Variants in PTPRZ1 observed in about 807,000 individuals in gnomAD.
PTPRZ1 encodes protein tyrosine phosphatase receptor type Z1, also known as receptor-type tyrosine-protein phosphatase zeta.
A neutral mutation model predicts 214.1 loss-of-function variants in PTPRZ1; 82 were observed. The ratio of observed to expected loss-of-function variants is 0.38; its 90% CI spans 0.32 to 0.46. The LOEUF is 0.46. Among genes scored for constraint, PTPRZ1 ranks in the 20% least tolerant of loss-of-function variants. The probability of loss-of-function intolerance (pLI) is 1.00; values close to 1 mark genes in which losing one functional copy is unlikely to be tolerated. For synonymous variants in PTPRZ1, 945 were observed against 987.9 expected, an observed-to-expected ratio of 0.96 and a Z score of 0.81; for missense variants, 2,603 against 2,748.7, an observed-to-expected ratio of 0.95 and a Z score of 1.19.
At chr7:122,044,931 G>A (rs776820551) in intron 23 of PTPRZ1, among the ~76,000 whole-genome samples, 43 of 151,272 alleles carry the variant, frequency 2.8e-4, no homozygotes, top group Non-Finnish European at 5.0e-4. Context: ...ACATGAGTGC[G>A]GTGGCTCAGG....
At chr7:121,886,958 T>G (rs1313268458) in intron 1 of PTPRZ1, among the ~76,000 whole-genome samples, 2 of 152,164 alleles carry the variant, frequency 1.3e-5, no homozygotes. Flanking sequence ...CTGTCCAGCT[T>G]TACTTGAATC....
chr7:121,974,832 G>A (rs1295667670), intron 4 of PTPRZ1, among the ~76,000 whole-genome samples: 1 of 152,062 alleles, frequency 6.6e-6, no homozygotes, highest in Non-Finnish European at 1.5e-5. Context: ...GTGTAAGCAG[G>A]AAACCCAAGG....
intron 2 of PTPRZ1, among the ~76,000 whole-genome samples, chr7:121,951,250 T>C (rs1383516884): frequency 1.3e-5 from 2 of 152,226 alleles, no homozygotes; most frequent in African/African-American, 4.8e-5. Flanking sequence ...CAAAGGATAC[T>C]GCTGTCTTCT....
intron 2 of PTPRZ1, among the ~76,000 whole-genome samples, chr7:121,957,392 G>A (rs1004095712): frequency 3.3e-5 from 5 of 152,126 alleles, no homozygotes; most frequent in African/African-American, 4.8e-5. Context: ...AGCGTTGCAC[G>A]AGCTTTGGTC....
chr7:122,020,730 C>T (rs1194999935), intron 13 of PTPRZ1, among the ~76,000 whole-genome samples: 3 of 152,080 alleles, frequency 2.0e-5, no homozygotes, highest in African/African-American at 7.2e-5. Context: ...GCTTTTGTTA[C>T]CCCACATGGG....
chr7:121,972,994 T>C (rs1216624243), intron 4 of PTPRZ1, among the ~76,000 whole-genome samples: 1 of 152,126 alleles, frequency 6.6e-6, no homozygotes, highest in Non-Finnish European at 1.5e-5. Flanking sequence ...GATTTAAATC[T>C]TTTGATTAAA....
At chr7:122,041,131 G>A (rs1179466941) in intron 21 of PTPRZ1, 152 bp downstream of exon 21, 2 of 655,074 alleles carry the variant, frequency 3.1e-6, no homozygotes, top group Non-Finnish European at 4.4e-6. Context: ...TTGATCACTA[G>A]GAAATGAACA....
At chr7:121,995,162 C>T (rs1798094410) in intron 8 of PTPRZ1, among the ~76,000 whole-genome samples, 1 of 152,146 alleles carries the variant, frequency 6.6e-6, no homozygotes, top group Non-Finnish European at 1.5e-5. Context: ...CTCCGGTGTT[C>T]ATGAGGTGAA....
intron 13 of PTPRZ1, among the ~76,000 whole-genome samples, chr7:122,019,913 C>T (rs767795547): frequency 1.3e-5 from 2 of 152,102 alleles, no homozygotes; most frequent in Admixed American, 1.3e-4. Context: ...GCAGAACACA[C>T]AGCAAATTAG....
chr7:122,051,330 G>T, intron 23 of PTPRZ1, 98 bp from the exon 24 acceptor site: 1 of 703,760 alleles, frequency 1.4e-6, no homozygotes, highest in Non-Finnish European at 2.3e-6. Flanking sequence ...ATCTTATCTT[G>T]ATTGGTGTGT....
chr7:122,011,051 G>C lies in PTPRZ1; in HGVS notation c.2005G>C (p.Gly669Arg), dbSNP rs923589422. 1 of 1,614,158 alleles carries C rather than the reference G, an allele frequency of 6.2e-7. No individual in the cohort carries two copies. The stretch of plus-strand genomic sequence containing the variant: ...AACAGCACAGCCCGATGTTGGATCA[G>C]GCAGAGAGAGCTTTCTCCAGACTAA... ...DITAQPDVGS[G>R]RESFLQTNYT... The change falls in exon 12 of 30, where the codon GGC (glycine) becomes CGC (arginine). Residue 669 changes from glycine to arginine, a missense_variant. Physicochemically the swap from Gly to Arg is moderately radical, Grantham distance 125. Around this residue, in one of 6 missense-constraint regions of PTPRZ1, gnomAD observed 1,913 missense variants for 1,914.3 expected, o/e 1.00. Transcript: ENST00000393386.
intron 13 of PTPRZ1, among the ~76,000 whole-genome samples, chr7:122,023,849 A>G (rs1252892435): frequency 1.3e-5 from 1 of 75,454 alleles, no homozygotes; most frequent in Non-Finnish European, 2.2e-5. Flanking sequence ...TTATATATAT[A>G]TAAAAAAAAA....
At chr7:122,021,381 T>C (rs1464614222) in intron 13 of PTPRZ1, among the ~76,000 whole-genome samples, 1 of 152,190 alleles carries the variant, frequency 6.6e-6, no homozygotes, top group Non-Finnish European at 1.5e-5. Context: ...TATTTCTTTT[T>C]TCTTCACAAA....
chr7:121,994,532 A>G (rs992250671), intron 8 of PTPRZ1, among the ~76,000 whole-genome samples: 7 of 152,010 alleles, frequency 4.6e-5, no homozygotes, highest in Admixed American at 2.6e-4. Context: ...AAACAGTTTC[A>G]TCTTGAAGTG....
chr7:121,916,022 T>C (rs1176701021), intron 1 of PTPRZ1, among the ~76,000 whole-genome samples: 3 of 152,118 alleles, frequency 2.0e-5, no homozygotes, highest in Non-Finnish European at 2.9e-5. Flanking sequence ...ATGCCTGTAA[T>C]CCCAGCACTT....
intron 1 of PTPRZ1, among the ~76,000 whole-genome samples, chr7:121,926,539 G>A (rs1795769677): frequency 6.6e-6 from 1 of 152,086 alleles, no homozygotes; most frequent in South Asian, 2.1e-4. Context: ...CGTGAAAGAA[G>A]GTGGTCGCAA....
In PTPRZ1 at chr7:121,941,334, TTTTG is replaced by T. The variant is rs562739582; in HGVS notation, c.124+13125_124+13128del. Reference sequence around the variant, plus strand: ...AGAATTTCTGTGGCCACATCTGATTTTTTGTTTGTTTGTTTTTGTGTTGTTTAAG... The same window carrying T: ...AGAATTTCTGTGGCCACATCTGATTTTTTGTTTGTTTTTGTGTTGTTTAAG... On this transcript the variant is annotated intron_variant, in intron 2 of 29. Transcript: ENST00000393386. 3.1e-3 allele frequency among the ~76,000 whole-genome samples: 467 copies of T among 152,322 alleles called. 3 individuals carry two copies. Among genetic ancestry groups the T allele is most frequent in the Non-Finnish European group, 5.5e-3 (372 of 68,016 alleles).
chr7:121,985,533 C>A (rs1322645260), intron 8 of PTPRZ1, among the ~76,000 whole-genome samples: 1 of 152,150 alleles, frequency 6.6e-6, no homozygotes, highest in Non-Finnish European at 1.5e-5. Context: ...CATGAAGTCC[C>A]CTGAAGATGC....
At chr7:121,913,893 C>T (rs1421902768) in intron 1 of PTPRZ1, among the ~76,000 whole-genome samples, 3 of 152,044 alleles carry the variant, frequency 2.0e-5, no homozygotes, top group Admixed American at 6.5e-5. Flanking sequence ...AGACAAAAAC[C>T]GTCTAACCTA....
Sources: gnomAD v4.1 joint callset for allele counts (sites outside exome capture counted in the v4.1 genomes callset) on GRCh38, gnomAD v4.1.1 for gene constraint, gnomAD v4.1.1 regional missense constraint, MANE v1.5 for transcripts, NCBI Gene and HGNC (gene_info 2026-07-23, HGNC 2026-07-21) for gene names.